IFT80: variants seen among roughly 807,000 people sequenced by gnomAD.
IFT80 encodes intraflagellar transport 80.
IFT80 carries 79 observed loss-of-function variants against 107.9 expected under a neutral mutation model. The observed-to-expected ratio is 0.73, with a 90% confidence interval of 0.61 to 0.88. The LOEUF (loss-of-function observed/expected upper bound fraction) is 0.88, where lower values mean the gene tolerates loss of function less well. Ranked by LOEUF, IFT80 falls within the 40% of genes least tolerant of loss-of-function variation. The probability of loss-of-function intolerance (pLI) is 0.00; values close to 1 mark genes in which losing one functional copy is unlikely to be tolerated. For synonymous variants in IFT80, 299 were observed against 300.9 expected, an observed-to-expected ratio of 0.99 and a Z score of 0.07; for missense variants, 797 against 914.2, an observed-to-expected ratio of 0.87 and a Z score of 1.65.
At chr3:160,313,982 C>T (rs941426757) in intron 9 of IFT80, among the ~76,000 whole-genome samples, 10 of 152,064 alleles carry the variant, frequency 6.6e-5, no homozygotes, top group Admixed American at 2.6e-4. Context: ...TCCTGATATT[C>T]GCATCACCTA....
intron 8 of IFT80, among the ~76,000 whole-genome samples, chr3:160,351,218 A>G (rs2108352390): frequency 6.6e-6 from 1 of 151,892 alleles, no homozygotes; most frequent in African/African-American, 2.4e-5. Context: ...TAAAGTTTGT[A>G]ACTACTTTTT....
At position 160,257,543 on chromosome 3, in the gene IFT80, A is replaced by G. The variant is rs1236963530; in HGVS notation, c.*982T>C. 2.0e-5 allele frequency: 3 copies of G among 152,252 alleles called. No individual in the cohort carries two copies. The highest frequency in any genetic ancestry group is 7.2e-5 in the African/African-American group (3 of 41,470). 9.4% of individuals were successfully genotyped at this position (152,252 alleles called of 1,614,324 possible). On this transcript the variant is annotated 3_prime_UTR_variant, in exon 20 of 20. Transcript: ENST00000326448. ...ATTGACTGATCATTCTCAAGTCAAG[A>G]GAGGAATGAGGAGAATCCTTCTTGC...
intron 18 of IFT80, among the ~76,000 whole-genome samples, chr3:160,275,006 C>T (rs905464461): frequency 3.3e-5 from 5 of 152,212 alleles, no homozygotes; most frequent in Admixed American, 3.3e-4. Flanking sequence ...TGATATTAGA[C>T]AACTTGGGGG....
At chr3:160,264,006 T>G (rs1468977393) in intron 19 of IFT80, among the ~76,000 whole-genome samples, 5 of 152,150 alleles carry the variant, frequency 3.3e-5, no homozygotes, top group Non-Finnish European at 7.4e-5. Flanking sequence ...CTCACTATAT[T>G]GCCCAGGCTG....
At position 160,381,644 on chromosome 3, in the gene IFT80, A is replaced by G; in HGVS notation, c.118T>C (p.Trp40Arg). Reference sequence around the variant, plus strand: ...GTTGTTTCACTGGTTAACAAGTTCCACTTCACTATCTGGTGATCATCACTA... The same window carrying G: ...GTTGTTTCACTGGTTAACAAGTTCCGCTTCACTATCTGGTGATCATCACTA... The part of the protein sequence containing the change: ...SCSDDHQIVK[W>R]NLLTSETTQI... The change falls in exon 3 of 20, where the codon TGG becomes CGG. Residue 40 changes from tryptophan to arginine, a missense_variant. Coordinates refer to ENST00000326448, the MANE Select transcript of IFT80 (RefSeq NM_020800.3). The G allele has an allele frequency of 6.2e-7, 1 of 1,612,628 alleles. No individual in the cohort carries two copies. Among genetic ancestry groups the G allele is most frequent in the Non-Finnish European group, 8.5e-7 (1 of 1,179,918 alleles).
chr3:160,348,057 G>A (rs1405876543), intron 8 of IFT80, among the ~76,000 whole-genome samples: 1 of 152,156 alleles, frequency 6.6e-6, no homozygotes, highest in African/African-American at 2.4e-5. Flanking sequence ...AAGTGAAACT[G>A]AGGGTTTTAG....
intron 9 of IFT80, among the ~76,000 whole-genome samples, chr3:160,316,068 T>C (rs1717793163): frequency 6.6e-6 from 1 of 152,118 alleles, no homozygotes; most frequent in Non-Finnish European, 1.5e-5. Context: ...GTAAATAGAA[T>C]ATGGCAACAG....
At chr3:160,292,148 C>T (rs973370080) in intron 12 of IFT80, among the ~76,000 whole-genome samples, 49 of 152,256 alleles carry the variant, frequency 3.2e-4, no homozygotes, top group African/African-American at 8.7e-4. Context: ...ATGCCGAGTC[C>T]GCACTGGGCT....
At chr3:160,275,787 G>T (rs530303037) in intron 18 of IFT80, among the ~76,000 whole-genome samples, 2 of 152,114 alleles carry the variant, frequency 1.3e-5, no homozygotes, top group Admixed American at 1.3e-4. Context: ...GCTGGGTAAT[G>T]ATACATATAA....
At chr3:160,340,241 G>C (rs1188848151) in intron 8 of IFT80, among the ~76,000 whole-genome samples, 1 of 152,116 alleles carries the variant, frequency 6.6e-6, no homozygotes, top group African/African-American at 2.4e-5. Context: ...TCCTCCCCAA[G>C]TTATCTACCT....
chr3:160,320,134 T>C (rs1259596446), intron 8 of IFT80, 195 bp from the exon 9 acceptor site: 4 of 570,338 alleles, frequency 7.0e-6, no homozygotes, highest in African/African-American at 3.8e-5. Context: ...CAGTAGAACA[T>C]CATGCTAAAA....
chr3:160,301,665 G>T (rs1559927495), intron 11 of IFT80, among the ~76,000 whole-genome samples: 1 of 151,860 alleles, frequency 6.6e-6, no homozygotes, highest in Non-Finnish European at 1.5e-5. Context: ...CTGCTATGCT[G>T]ACAACCATAT....
At position 160,256,995 on chromosome 3, in the gene IFT80, A is replaced by T. The variant is rs959690674; in HGVS notation, c.*1530T>A. Reference sequence around the variant, plus strand: ...CTAGGATATGAGAGAATTGTTTAGAACACAGACTTTTTATTTTTTGCATTT... The same window carrying T: ...CTAGGATATGAGAGAATTGTTTAGATCACAGACTTTTTATTTTTTGCATTT... On this transcript the variant is annotated 3_prime_UTR_variant, in exon 20 of 20. Transcript: ENST00000326448. 3.6e-4 allele frequency: 55 copies of T among 152,336 alleles called. No individual in the cohort carries two copies. Among genetic ancestry groups the T allele is most frequent in the African/African-American group, 1.3e-3 (53 of 41,576 alleles). The allele number at this position is 152,336 out of a possible 1,614,324, so 9.4% of individuals were successfully genotyped here.
chr3:160,312,784 TAATA>T lies in IFT80; in HGVS notation c.958-5007_958-5004del, dbSNP rs1325992917. ...TAAATGTATATTATATATAAATATA[TAATA>T]TATATATAATAAATGTATATTATAT... On this transcript the variant is annotated intron_variant, in intron 9 of 19. Transcript: ENST00000326448. Among the ~76,000 whole-genome samples, 8 of 27,682 alleles carry T rather than the reference TAATA, an allele frequency of 2.9e-4. 1 individual carries two copies. Among genetic ancestry groups the T allele is most frequent in the African/African-American group, 8.4e-4 (8 of 9,532 alleles). The allele number at this position is 27,682 out of a possible 152,430, so 18.2% of individuals were successfully genotyped here.
At chr3:160,374,302 G>C (rs1010946992) in intron 5 of IFT80, among the ~76,000 whole-genome samples, 3 of 151,824 alleles carry the variant, frequency 2.0e-5, no homozygotes, top group African/African-American at 7.3e-5. Context: ...CCAGCAACTT[G>C]GGAAGCTGAG....
intron 12 of IFT80, chr3:160,299,347 G>T: frequency 4.1e-6 from 2 of 485,026 alleles, no homozygotes; most frequent in South Asian, 1.0e-4. Flanking sequence ...GCTATTATCT[G>T]AAGTACTGAA....
intron 9 of IFT80, among the ~76,000 whole-genome samples, chr3:160,308,292 G>A (rs1277904310): frequency 3.9e-5 from 6 of 152,084 alleles, no homozygotes; most frequent in African/African-American, 1.4e-4. Flanking sequence ...CAAGCTGCAG[G>A]GAGTGGGGAA....
At chr3:160,334,971 C>A (rs997737185) in intron 8 of IFT80, among the ~76,000 whole-genome samples, 2 of 151,940 alleles carry the variant, frequency 1.3e-5, no homozygotes, top group Admixed American at 1.3e-4. Context: ...TGCTTGGATA[C>A]TATTATTGAG....
intron 1 of IFT80, among the ~76,000 whole-genome samples, chr3:160,390,417 CAAA>C (rs1289410578): frequency 9.2e-6 from 1 of 108,306 alleles, no homozygotes; most frequent in Admixed American, 9.9e-5. Context: ...AATTCCGTCT[CAAA>C]AAAAAAAAAA....
Sources: gnomAD v4.1 joint callset for allele counts (sites outside exome capture counted in the v4.1 genomes callset) on GRCh38, gnomAD v4.1.1 for gene constraint, MANE v1.5 for transcripts, NCBI Gene and HGNC (gene_info 2026-07-23, HGNC 2026-07-21) for gene names.